The following NFX1 variants were observed in gnomAD, a reference collection of about 807,000 sequenced individuals.
The protein encoded by NFX1 is transcriptional repressor NF-X1.
In NFX1, 69 loss-of-function variants were observed where a neutral mutation model predicts 137.2. The ratio of observed to expected loss-of-function variants is 0.50; its 90% CI spans 0.41 to 0.61. The LOEUF (loss-of-function observed/expected upper bound fraction) is 0.61, where lower values mean the gene tolerates loss of function less well. Among genes scored for constraint, NFX1 ranks in the 20% least tolerant of loss-of-function variants. NFX1 has a pLI of 0.00. For synonymous variants in NFX1, 495 were observed against 474.1 expected, an observed-to-expected ratio of 1.04 and a Z score of -0.57; for missense variants, 1,167 against 1,391.0, an observed-to-expected ratio of 0.84 and a Z score of 2.56.
intron 15 of NFX1, chr9:33,347,684 A>G (rs112941102): frequency 3.6e-4 from 159 of 437,690 alleles, no homozygotes; most frequent in Admixed American, 3.2e-4. Flanking sequence ...CTGGGCGTCT[A>G]CCCAGAAGAA....
At chr9:33,322,329 T>C (rs905390760) in intron 9 of NFX1, among the ~76,000 whole-genome samples, 1 of 152,120 alleles carries the variant, frequency 6.6e-6, no homozygotes, top group Non-Finnish European at 1.5e-5. Context: ...GAGCCCTAGC[T>C]AGTTCCTTCC....
At chr9:33,326,121 A>G (rs778622587) in intron 9 of NFX1, among the ~76,000 whole-genome samples, 6 of 152,060 alleles carry the variant, frequency 3.9e-5, no homozygotes, top group Non-Finnish European at 1.5e-5. Context: ...TAAATTTTGT[A>G]TAAGAGGGGG....
At chr9:33,309,507 C>T (rs369310767) in intron 5 of NFX1, among the ~76,000 whole-genome samples, 4 of 152,350 alleles carry the variant, frequency 2.6e-5, no homozygotes, top group African/African-American at 9.6e-5. Flanking sequence ...TCTTTTGTGG[C>T]TCTGGAGCTT....
intron 15 of NFX1, among the ~76,000 whole-genome samples, chr9:33,350,185 T>G (rs935761967): frequency 1.3e-5 from 2 of 151,382 alleles, no homozygotes; most frequent in African/African-American, 2.4e-5. Context: ...ACACCTGTAG[T>G]CCCAGCTACT....
At chr9:33,332,409 A>G in intron 10 of NFX1, 63 bp from the exon 11 acceptor site, 1 of 1,448,038 alleles carries the variant, frequency 6.9e-7, no homozygotes, top group Non-Finnish European at 9.6e-7. Context: ...ATGGCATTAT[A>G]TTATAGTTGT....
At chr9:33,317,427 A>T (rs1310890537) in intron 7 of NFX1, among the ~76,000 whole-genome samples, 1 of 150,156 alleles carries the variant, frequency 6.7e-6, no homozygotes, top group Non-Finnish European at 1.5e-5. Flanking sequence ...TCCAAAAAAA[A>T]AAAAAAAAGA....
intron 11 of NFX1, 25 bp from the exon 12 acceptor site, chr9:33,338,485 T>C: frequency 6.2e-7 from 1 of 1,606,340 alleles, no homozygotes; most frequent in Non-Finnish European, 8.5e-7. Flanking sequence ...CTGGTTTTTT[T>C]TTTCTTTTTA....
rs557200588 is a variant in NFX1 at position 33,307,388 on chromosome 9, G to C, written c.1376+89G>C. ...AAACATACCTGGTTAGCATGTAATG[G>C]TTTGGGATGAAGGGTGATATGGGAC... On this transcript the variant is annotated intron_variant, in intron 5 of 23. Transcript: ENST00000379540. 29 of 1,130,802 alleles carry C rather than the reference G, an allele frequency of 2.6e-5. No homozygotes were observed. In the South Asian group the frequency reaches 3.8e-4, roughly 15 times the overall value. The allele number at this position is 1,130,802 out of a possible 1,614,324, so 70.0% of individuals were successfully genotyped here.
At chr9:33,309,383 T>C (rs532657490) in intron 5 of NFX1, among the ~76,000 whole-genome samples, 1 of 151,496 alleles carries the variant, frequency 6.6e-6, no homozygotes, top group East Asian at 1.9e-4. Context: ...AACTTAATCC[T>C]CTGCATGGAC....
At chr9:33,303,149 T>C (rs1346516033) in intron 3 of NFX1, 42 bp from the exon 4 acceptor site, 2 of 1,531,776 alleles carry the variant, frequency 1.3e-6, no homozygotes, top group East Asian at 4.5e-5. Flanking sequence ...ATGTAGCTTT[T>C]GGAAGAAAAT....
rs536240179 is a variant in NFX1 at position 33,360,502 on chromosome 9, A to G, written c.2874-3508A>G. ...TTGAAAGCCTTTTGAATTTCTCCTC[A>G]ATCTTGGTGATGACATAATGACCCT... On this transcript the variant is annotated intron_variant, in intron 19 of 23. Transcript: ENST00000379540. Among the ~76,000 whole-genome samples the G allele has an allele frequency of 1.3e-4, 20 of 152,310 alleles. No homozygotes were observed. In the South Asian group the frequency reaches 3.7e-3, roughly 28 times the overall value.
At chr9:33,352,535 C>A in intron 16 of NFX1, 111 bp from the exon 17 acceptor site, 1 of 888,138 alleles carries the variant, frequency 1.1e-6, no homozygotes, top group Non-Finnish European at 1.9e-6. Flanking sequence ...AGTGGCCACC[C>A]ACTGACTCTC....
At chr9:33,318,852 A>C (rs2118386807) in intron 8 of NFX1, 22 bp downstream of exon 8, 1 of 1,614,168 alleles carries the variant, frequency 6.2e-7, no homozygotes, top group South Asian at 1.1e-5. Flanking sequence ...CGTTTTCTTC[A>C]GTTGAACTAA....
chr9:33,319,771 A>C (rs1454043783), intron 9 of NFX1, among the ~76,000 whole-genome samples: 6 of 152,026 alleles, frequency 3.9e-5, no homozygotes, highest in Admixed American at 1.3e-4. Context: ...TGGGTTCCCA[A>C]AGTGCTGGGA....
At chr9:33,352,399 C>T in intron 16 of NFX1, 1 of 609,754 alleles carries the variant, frequency 1.6e-6, no homozygotes, top group Non-Finnish European at 3.1e-6. Flanking sequence ...CTAGGCCTGC[C>T]CCTTCAGCCA....
intron 10 of NFX1, among the ~76,000 whole-genome samples, chr9:33,330,851 C>T (rs1325165635): frequency 6.6e-6 from 1 of 152,036 alleles, no homozygotes; most frequent in Non-Finnish European, 1.5e-5. Context: ...CTCTGTTAAA[C>T]CTGTTTGACA....
intron 9 of NFX1, among the ~76,000 whole-genome samples, chr9:33,319,904 A>G (rs1016094855): frequency 1.3e-5 from 2 of 152,042 alleles, no homozygotes; most frequent in African/African-American, 4.8e-5. Context: ...CTAGCTGAGG[A>G]TACGAGGATA....
intron 12 of NFX1, among the ~76,000 whole-genome samples, chr9:33,339,503 G>A (rs1486878192): frequency 4.6e-5 from 7 of 152,128 alleles, no homozygotes; most frequent in South Asian, 2.1e-4. Context: ...TGAGATTTGG[G>A]TGGGGACACA....
At chr9:33,336,073 A>G (rs1203645238) in intron 11 of NFX1, among the ~76,000 whole-genome samples, 1 of 152,188 alleles carries the variant, frequency 6.6e-6, no homozygotes, top group Non-Finnish European at 1.5e-5. Flanking sequence ...TGCTGGATCC[A>G]ATGGTAATCT....
Sources: gnomAD v4.1 joint callset for allele counts (sites outside exome capture counted in the v4.1 genomes callset) on GRCh38, gnomAD v4.1.1 for gene constraint, MANE v1.5 for transcripts, NCBI Gene and HGNC (gene_info 2026-07-23, HGNC 2026-07-21) for gene names.